TGM4: variants seen among roughly 807,000 people sequenced by gnomAD.
TGM4 encodes the protein transglutaminase 4.
In TGM4, 61 loss-of-function variants were observed where a neutral mutation model predicts 76.3. The ratio of observed to expected loss-of-function variants is 0.80; its 90% CI spans 0.65 to 0.99. The LOEUF is 0.99. TGM4 is among the 50% of genes least tolerant of loss of function. TGM4 has a pLI of 0.00. For missense variants in TGM4, 794 were observed against 843.2 expected, an observed-to-expected ratio of 0.94 and a Z score of 0.72; for synonymous variants, 337 against 329.8, an observed-to-expected ratio of 1.02 and a Z score of -0.24.
intron 10 of TGM4, 59 bp from the exon 11 acceptor site, chr3:44,910,031 T>C: frequency 6.4e-7 from 1 of 1,569,448 alleles, no homozygotes; most frequent in Admixed American, 1.8e-5. Context: ...ACACGGGTGG[T>C]TGGGACATTT....
At chr3:44,904,110 C>CA (rs1203207886) in intron 9 of TGM4, 123 bp downstream of exon 9, 1 of 799,014 alleles carries the variant, frequency 1.3e-6, no homozygotes, top group Non-Finnish European at 2.0e-6. Context: ...TTTCCCAAAA[C>CA]AAAAAGCATG....
chr3:44,908,518 C>A (rs1699957081), intron 10 of TGM4, among the ~76,000 whole-genome samples: 1 of 151,982 alleles, frequency 6.6e-6, no homozygotes, highest in East Asian at 1.9e-4. Context: ...CCTCAGGTCT[C>A]TGAGGCTCTG....
At chr3:44,879,259 CTCTCTCTATA>C (rs1462675324) in intron 1 of TGM4, among the ~76,000 whole-genome samples, 13 of 101,694 alleles carry the variant, frequency 1.3e-4, no homozygotes, top group East Asian at 9.3e-4. Context: ...CTCTCTCTCT[CTCTCTCTATA>C]TATATATATA....
At chr3:44,894,421 A>G (rs897357992) in intron 5 of TGM4, among the ~76,000 whole-genome samples, 3 of 87,974 alleles carry the variant, frequency 3.4e-5, no homozygotes, top group African/African-American at 1.4e-4. Context: ...CCTACCTCCC[A>G]GTGTATTTAC....
intron 9 of TGM4, among the ~76,000 whole-genome samples, chr3:44,904,875 C>A (rs1232482933): frequency 6.6e-6 from 1 of 151,690 alleles, no homozygotes; most frequent in East Asian, 1.9e-4. Flanking sequence ...AGAGACAGGA[C>A]TTTGCCATAT....
chr3:44,893,841 A>C (rs914556244), intron 5 of TGM4, 146 bp downstream of exon 5: 1 of 753,900 alleles, frequency 1.3e-6, no homozygotes, highest in African/African-American at 1.7e-5. Context: ...TTGGCCATAG[A>C]GGGGTGACCT....
intron 3 of TGM4, chr3:44,888,603 G>A (rs1484024488): frequency 6.6e-6 from 1 of 152,186 alleles, no homozygotes; most frequent in Non-Finnish European, 1.5e-5. Flanking sequence ...CTCTCCTGAG[G>A]TGGGCATGGG....
intron 1 of TGM4, among the ~76,000 whole-genome samples, chr3:44,883,907 T>A (rs945249572): frequency 6.6e-6 from 1 of 152,190 alleles, no homozygotes; most frequent in Non-Finnish European, 1.5e-5. Context: ...GAGGATGGGT[T>A]TCCTCTGTGG....
In TGM4 at chr3:44,913,844, C is replaced by T; in HGVS notation, c.*119C>T. 1 of 1,430,150 alleles carries T rather than the reference C, an allele frequency of 7.0e-7. No homozygotes were observed. Among genetic ancestry groups the T allele is most frequent in the African/African-American group, 1.4e-5 (1 of 69,882 alleles). The allele number at this position is 1,430,150 out of a possible 1,614,324, so 88.6% of individuals were successfully genotyped here. On this transcript the variant is annotated 3_prime_UTR_variant, in exon 14 of 14. Coordinates refer to ENST00000296125, the MANE Select transcript of TGM4 (RefSeq NM_003241.4). ...ATATGAGGGCAGATTCAAGAGCCAG[C>T]AGGTCAAAAAGGCCAACACAACCAT...
At chr3:44,911,463 G>T in intron 13 of TGM4, 57 bp downstream of exon 13, 1 of 1,585,006 alleles carries the variant, frequency 6.3e-7, no homozygotes, top group Non-Finnish European at 8.6e-7. Flanking sequence ...TCTTGCACAT[G>T]TGTGCATATT....
intron 3 of TGM4, among the ~76,000 whole-genome samples, chr3:44,889,472 C>T (rs929579742): frequency 2.0e-5 from 3 of 152,086 alleles, no homozygotes; most frequent in African/African-American, 7.2e-5. Context: ...AAGCCAGTTG[C>T]ACTCCAGCCT....
rs145623043 is a variant in TGM4, at chr3:44,907,165, G to A, written c.1292G>A (p.Arg431Gln). Residue 431 changes from arginine to glutamine, a missense_variant, in exon 10 of 14, where the codon CGG becomes CAG. Coordinates refer to ENST00000296125, the MANE Select transcript of TGM4 (RefSeq NM_003241.4). ...ISTKAVGQDR[R>Q]RDITYEYKYP... The stretch of plus-strand genomic sequence containing the variant: ...ACCAAGGCAGTGGGCCAAGACAGGC[G>A]GAGAGATATCACCTATGAGTACAAG... The A allele has an allele frequency of 7.0e-5, 113 of 1,613,912 alleles. No homozygotes were observed. The highest frequency in any genetic ancestry group is 1.3e-4 in the African/African-American group (10 of 74,852).
chr3:44,896,021 T>C (rs1015493071), intron 5 of TGM4, among the ~76,000 whole-genome samples: 1 of 152,374 alleles, frequency 6.6e-6, no homozygotes, highest in Middle Eastern at 3.4e-3. Context: ...TATTTTATTC[T>C]ATTATCTATT....
intron 5 of TGM4, among the ~76,000 whole-genome samples, chr3:44,895,823 T>G (rs944957048): frequency 1.3e-5 from 2 of 152,214 alleles, no homozygotes; most frequent in African/African-American, 4.8e-5. Context: ...AATTACAGAT[T>G]GAATCATCCA....
chr3:44,878,449 TTTATTA>T lies in TGM4; in HGVS notation c.19+3797_19+3802del, dbSNP rs199498412. ...TGTAATGGGCATTTATTACTTTTGT[TTTATTA>T]TTATTATTATTATTATTATTATTAT... On this transcript the variant is annotated intron_variant, in intron 1 of 13. Transcript: ENST00000296125. 9.9e-3 allele frequency among the ~76,000 whole-genome samples: 747 copies of T among 75,434 alleles called. 3 individuals are homozygous for T. Among genetic ancestry groups the T allele is most frequent in the African/African-American group, 0.023 (439 of 19,072 alleles). 49.5% of individuals were successfully genotyped at this position (75,434 alleles called of 152,430 possible). A position where few individuals can be genotyped will look rare whatever the true frequency, so the allele number is the denominator to read the frequency against.
intron 11 of TGM4, 145 bp from the exon 12 acceptor site, chr3:44,910,813 T>C (rs140890911): frequency 0.015 from 13,197 of 895,852 alleles, 126 homozygotes; most frequent in Non-Finnish European, 0.019. Context: ...CCCAACGTCT[T>C]GTTTTCTAAA....
chr3:44,907,460 G>A (rs1246337045), intron 10 of TGM4, among the ~76,000 whole-genome samples: 1 of 152,128 alleles, frequency 6.6e-6, no homozygotes, highest in Admixed American at 6.5e-5. Flanking sequence ...TCCAGCCTGG[G>A]TGACAGAGCA....
chr3:44,878,264 G>A (rs1699476289), intron 1 of TGM4, among the ~76,000 whole-genome samples: 2 of 151,324 alleles, frequency 1.3e-5, no homozygotes, highest in African/African-American at 4.8e-5. Flanking sequence ...GAGAGAGAGA[G>A]AGAAGCAAGG....
intron 4 of TGM4, 43 bp from the exon 5 acceptor site, chr3:44,893,534 C>A: frequency 6.4e-7 from 1 of 1,563,544 alleles, no homozygotes. Flanking sequence ...GCTCCTGTCC[C>A]AGGGCAGAAT....
Sources: gnomAD v4.1 joint callset for allele counts (sites outside exome capture counted in the v4.1 genomes callset) on GRCh38, gnomAD v4.1.1 for gene constraint, MANE v1.5 for transcripts, NCBI Gene and HGNC (gene_info 2026-07-23, HGNC 2026-07-21) for gene names.